The following MECOM variants were observed in gnomAD, a reference collection of about 807,000 sequenced individuals.
The protein encoded by MECOM is MDS1 and EVI1 complex locus, also known as histone-lysine N-methyltransferase MECOM.
In MECOM, 13 loss-of-function variants were observed where a neutral mutation model predicts 116.3. The ratio of observed to expected loss-of-function variants is 0.11; its 90% CI spans 0.07 to 0.18. The LOEUF is 0.18. MECOM is among the 10% of genes least tolerant of loss of function. The pLI, the probability that MECOM is intolerant of heterozygous loss-of-function variation, is 1.00. For missense variants in MECOM, 1,299 were observed against 1,509.0 expected (o/e 0.86, Z 2.31); for synonymous variants, 528 against 535.2 (o/e 0.99, Z 0.19).
chr3:169,153,417 T>G (rs952040800), intron 2 of MECOM, among the ~76,000 whole-genome samples: 13 of 152,176 alleles, frequency 8.5e-5, no homozygotes, highest in African/African-American at 3.1e-4. Context: ...ATAACTTTGC[T>G]TACGATTATC....
At chr3:169,316,766 T>G (rs768043846) in intron 2 of MECOM, among the ~76,000 whole-genome samples, 5 of 152,334 alleles carry the variant, frequency 3.3e-5, no homozygotes, top group Admixed American at 1.3e-4. Context: ...CTGCCCAGGC[T>G]GGTCTTGAAC....
chr3:169,219,886 C>T (rs1019465593), intron 2 of MECOM, among the ~76,000 whole-genome samples: 4 of 148,674 alleles, frequency 2.7e-5, no homozygotes, highest in African/African-American at 9.8e-5. Flanking sequence ...ACCTCCTAAC[C>T]TAGGAACCAT....
intron 1 of MECOM, among the ~76,000 whole-genome samples, chr3:169,482,015 G>C (rs1751362250): frequency 6.6e-6 from 1 of 152,142 alleles, no homozygotes; most frequent in East Asian, 1.9e-4. Flanking sequence ...GGAATTTATA[G>C]ACTGGAGGGA....
At position 169,658,989 on chromosome 3, in the gene MECOM, GC is replaced by G. The variant is rs1775881911; in HGVS notation, c.37+4346del. 2.0e-5 allele frequency among the ~76,000 whole-genome samples: 3 copies of G among 147,242 alleles called. No homozygotes were observed. The Admixed American group carries it at 2.1e-4, about 10-fold the overall frequency. ...CACAACTGCAGCCTCGGATAACCTG[GC>G]CCCAACTTACAAAAATAAAATAAAC... On this transcript the variant is annotated intron_variant, in intron 1 of 16. Coordinates refer to ENST00000651503, the MANE Select transcript of MECOM (RefSeq NM_004991.4).
At chr3:169,662,867 C>T (rs1776490016) in intron 1 of MECOM, among the ~76,000 whole-genome samples, 1 of 152,078 alleles carries the variant, frequency 6.6e-6, no homozygotes, top group African/African-American at 2.4e-5. Context: ...CTCCCTTCTC[C>T]TGCCGGCCCC....
intron 1 of MECOM, among the ~76,000 whole-genome samples, chr3:169,476,456 A>T (rs73174306): frequency 0.028 from 4,304 of 152,264 alleles, 88 homozygotes; most frequent in Middle Eastern, 0.044. Context: ...TAACGCTTTG[A>T]TAGATCCCTG....
chr3:169,286,262 G>GGCT (rs1436323507), intron 2 of MECOM, among the ~76,000 whole-genome samples: 2 of 152,062 alleles, frequency 1.3e-5, no homozygotes, highest in Non-Finnish European at 2.9e-5. Context: ...GACCCAGTAG[G>GGCT]GCTGCCTGGA....
chr3:169,349,406 C>A (rs1000046365), intron 2 of MECOM, among the ~76,000 whole-genome samples: 5 of 151,892 alleles, frequency 3.3e-5, no homozygotes, highest in African/African-American at 1.2e-4. Flanking sequence ...GGCCACTTCA[C>A]GCTCTAGTGG....
At chr3:169,426,742 C>T (rs1340800554) in intron 1 of MECOM, among the ~76,000 whole-genome samples, 2 of 152,134 alleles carry the variant, frequency 1.3e-5, no homozygotes, top group Non-Finnish European at 2.9e-5. Flanking sequence ...GCACGTGGAG[C>T]AGAGAAGATT....
intron 3 of MECOM, among the ~76,000 whole-genome samples, chr3:169,135,633 C>T (rs1736128648): frequency 1.3e-5 from 2 of 151,942 alleles, no homozygotes; most frequent in South Asian, 2.1e-4. Context: ...TATGAACTAA[C>T]CTAACTCCCA....
At chr3:169,601,159 G>A (rs1018332415) in intron 1 of MECOM, among the ~76,000 whole-genome samples, 12 of 152,182 alleles carry the variant, frequency 7.9e-5, no homozygotes, top group African/African-American at 1.4e-4. Flanking sequence ...CTTAGGTGTC[G>A]CCACAAACCC....
chr3:169,128,787 C>A (rs1733728964), intron 4 of MECOM, among the ~76,000 whole-genome samples: 1 of 152,116 alleles, frequency 6.6e-6, no homozygotes, highest in South Asian at 2.1e-4. Context: ...CACTTTAAAT[C>A]AATAAGATAA....
intron 2 of MECOM, among the ~76,000 whole-genome samples, chr3:169,265,947 G>A (rs1345515942): frequency 6.6e-6 from 1 of 152,082 alleles, no homozygotes; most frequent in African/African-American, 2.4e-5. Context: ...TTCCAGATGT[G>A]GGAGGCTTCT....
rs557585166 is a variant in MECOM at position 169,448,348 on chromosome 3, A to C, written c.38-66824T>G. On this transcript the variant is annotated intron_variant, in intron 1 of 16. Transcript: ENST00000651503. Reference sequence around the variant, plus strand: ...TATTTATTTATAGGTCGCCCATCACATGCTAAGCATCTTCTATACATTATC... The same window carrying C: ...TATTTATTTATAGGTCGCCCATCACCTGCTAAGCATCTTCTATACATTATC... 8.5e-5 allele frequency among the ~76,000 whole-genome samples: 13 copies of C among 152,308 alleles called. No homozygotes were observed. In the South Asian group the frequency reaches 2.7e-3, roughly 32 times the overall value.
intron 1 of MECOM, among the ~76,000 whole-genome samples, chr3:169,564,595 C>T (rs987902457): frequency 6.6e-6 from 1 of 152,156 alleles, no homozygotes; most frequent in Non-Finnish European, 1.5e-5. Context: ...AAGTGCCCCC[C>T]CAAAAAATAC....
chr3:169,396,619 C>T (rs1233438511), intron 1 of MECOM, among the ~76,000 whole-genome samples: 1 of 152,134 alleles, frequency 6.6e-6, no homozygotes, highest in African/African-American at 2.4e-5. Context: ...CTATGTGGCT[C>T]ACATTTGTAT....
chr3:169,135,211 G>T (rs1735991587), intron 3 of MECOM, among the ~76,000 whole-genome samples: 1 of 151,932 alleles, frequency 6.6e-6, no homozygotes, highest in Non-Finnish European at 1.5e-5. Flanking sequence ...CAATTAATCT[G>T]TTAAGTTCCA....
chr3:169,116,481 G>A lies in MECOM; in HGVS notation c.1391C>T (p.Pro464Leu), dbSNP rs533236543. The A allele has an allele frequency of 4.3e-5, 69 of 1,614,138 alleles. No homozygotes were observed. In the South Asian group the frequency reaches 5.5e-4, roughly 13 times the overall value. ...GGCGCCAAAATAGTCAGCAAGGCCC[G>A]GGTTGGCATGACTCATATTAACCAT... The part of the protein sequence containing the change: ...TSMVNMSHAN[P>L]GLADYFGANR... The change falls in exon 8 of 17, where the codon CCG becomes CTG. Residue 464 changes from proline (P) to leucine (L), a missense_variant. Pro to Leu is a moderately conservative substitution (Grantham distance 98). Coordinates refer to ENST00000651503, the MANE Select transcript of MECOM (RefSeq NM_004991.4).
intron 1 of MECOM, among the ~76,000 whole-genome samples, chr3:169,603,366 T>A (rs1768064905): frequency 2.0e-5 from 3 of 152,110 alleles, no homozygotes; most frequent in Admixed American, 2.0e-4. Flanking sequence ...AGCACAGGAG[T>A]CAAAGTTTAA....
Sources: gnomAD v4.1 joint callset for allele counts (sites outside exome capture counted in the v4.1 genomes callset) on GRCh38, gnomAD v4.1.1 for gene constraint, MANE v1.5 for transcripts, NCBI Gene and HGNC (gene_info 2026-07-23, HGNC 2026-07-21) for gene names.